GATB: variants seen among roughly 807,000 people sequenced by gnomAD.
GATB encodes glutamyl-tRNA amidotransferase subunit B.
A neutral mutation model predicts 62.3 loss-of-function variants in GATB; 39 were observed. The ratio of observed to expected loss-of-function variants is 0.63; its 90% CI spans 0.48 to 0.82. The LOEUF is 0.82. Ranked by LOEUF, GATB falls within the 40% of genes least tolerant of loss-of-function variation. The probability of loss-of-function intolerance (pLI) is 0.00; values close to 1 mark genes in which losing one functional copy is unlikely to be tolerated. For missense variants in GATB, 670 were observed against 684.0 expected, an observed-to-expected ratio of 0.98 and a Z score of 0.23; for synonymous variants, 276 against 258.9, an observed-to-expected ratio of 1.07 and a Z score of -0.63.
At chr4:151,739,756 A>G (rs887868239) in intron 2 of GATB, among the ~76,000 whole-genome samples, 2 of 152,160 alleles carry the variant, frequency 1.3e-5, no homozygotes, top group African/African-American at 2.4e-5. Flanking sequence ...TCTACTCTGT[A>G]TTCTCTTGTC....
chr4:151,717,595 T>C (rs1197448991), intron 3 of GATB, among the ~76,000 whole-genome samples: 1 of 152,178 alleles, frequency 6.6e-6, no homozygotes, highest in Non-Finnish European at 1.5e-5. Context: ...TCATGGCAGC[T>C]GCCCTCCCTG....
Position 151,679,797 on chromosome 4 carries a change from G to C in GATB, c.1410+16C>G, listed in dbSNP as rs1247732474. The C allele has an allele frequency of 6.2e-7, 1 of 1,607,060 alleles. No individual in the cohort carries two copies. Among genetic ancestry groups the C allele is most frequent in the South Asian group, 1.1e-5 (1 of 90,936 alleles). ...GACAGTAGCACAGTCAGAAGCTGTC[G>C]GGAGTGTGGACATACCTGTTTAGCT... On this transcript the variant is annotated intron_variant, in intron 11 of 12. Transcript: ENST00000263985.
intron 2 of GATB, among the ~76,000 whole-genome samples, chr4:151,729,567 T>C (rs1739202253): frequency 6.6e-6 from 1 of 152,186 alleles, no homozygotes; most frequent in South Asian, 2.1e-4. Flanking sequence ...TGCTAAGATA[T>C]TTAGAGAGGA....
chr4:151,716,139 A>G lies in GATB; in HGVS notation c.641-8T>C. ...CCTCCAGAAGGCCCACTCCTACCAAAGAGGGGCAGAGTCAGCCTCACTGCA... is the reference window on the plus strand; with the variant it reads ...CCTCCAGAAGGCCCACTCCTACCAAGGAGGGGCAGAGTCAGCCTCACTGCA... On this transcript the variant is annotated splice_region_variant and splice_polypyrimidine_tract_variant and intron_variant, in intron 4 of 12. Coordinates refer to ENST00000263985, the MANE Select transcript of GATB (RefSeq NM_004564.3). The G allele has an allele frequency of 5.0e-6, 8 of 1,611,520 alleles. No individual in the cohort carries two copies. The highest frequency in any genetic ancestry group is 6.8e-6 in the Non-Finnish European group (8 of 1,178,874).
chr4:151,695,307 C>A (rs539119100), intron 9 of GATB, among the ~76,000 whole-genome samples: 1 of 152,188 alleles, frequency 6.6e-6, no homozygotes, highest in South Asian at 2.1e-4. Flanking sequence ...TGAGTCATCG[C>A]CCCCTCTTTC....
chr4:151,749,760 G>C (rs116833905), intron 2 of GATB, among the ~76,000 whole-genome samples: 1 of 152,078 alleles, frequency 6.6e-6, no homozygotes, highest in Non-Finnish European at 1.5e-5. Context: ...TCTTCCCCTC[G>C]GGTTACAGTA....
intron 10 of GATB, among the ~76,000 whole-genome samples, chr4:151,680,254 G>C (rs549686935): frequency 8.2e-5 from 12 of 146,918 alleles, no homozygotes; most frequent in African/African-American, 2.8e-4. Flanking sequence ...TATTTTCAAC[G>C]GAAAGATCAG....
chr4:151,700,617 A>G lies in GATB; in HGVS notation c.1197+712T>C, dbSNP rs77523137. Among the ~76,000 whole-genome samples, 792 of 152,342 alleles carry G rather than the reference A, an allele frequency of 5.2e-3. 5 individuals are homozygous for G. The highest frequency in any genetic ancestry group is 0.019 in the African/African-American group (771 of 41,576). ...GTGGCATATACTGATTCCCTGGAAG[A>G]TGCAGCAACAAAACTTCCCACTTCC... On this transcript the variant is annotated intron_variant, in intron 9 of 12. Transcript: ENST00000263985.
chr4:151,697,949 G>GTATATATATATATATATA (rs781688717), intron 9 of GATB, among the ~76,000 whole-genome samples: 1 of 96,974 alleles, frequency 1.0e-5, no homozygotes, highest in African/African-American at 6.6e-5. Context: ...GTGTGTGTGT[G>GTATATATATATATATATA]TGTGTATATA....
intron 10 of GATB, among the ~76,000 whole-genome samples, chr4:151,681,314 T>C (rs1400528119): frequency 2.0e-5 from 3 of 152,232 alleles, no homozygotes; most frequent in Admixed American, 6.5e-5. Flanking sequence ...TCCCAAAGTA[T>C]GACTAAAAGG....
chr4:151,735,296 T>G (rs1050651907), intron 2 of GATB, among the ~76,000 whole-genome samples: 1 of 149,182 alleles, frequency 6.7e-6, no homozygotes, highest in East Asian at 1.9e-4. Flanking sequence ...AATAGACAAT[T>G]CTCAAAAGAA....
intron 5 of GATB, among the ~76,000 whole-genome samples, chr4:151,710,160 C>G (rs1169638271): frequency 6.6e-6 from 1 of 152,148 alleles, no homozygotes; most frequent in Non-Finnish European, 1.5e-5. Flanking sequence ...CCATAGTCTT[C>G]TGTGCACTGG....
chr4:151,741,783 T>C (rs771419907), intron 2 of GATB, among the ~76,000 whole-genome samples: 7 of 152,228 alleles, frequency 4.6e-5, no homozygotes, highest in Non-Finnish European at 1.0e-4. Flanking sequence ...CACCATCATA[T>C]TGCTTTTTGT....
Position 151,701,359 on chromosome 4 carries a change from C to T in GATB, c.1167G>A (p.Gly389=). ...VTREKLVQQY[G]MLLEHSFTLL... ...AAGTGAAGCTGTGTTCCAGCAGCAT[C>T]CCATACTGTTGGACAAGCTTCTCTC... The change falls in exon 9 of 13, where the codon GGG becomes GGA. Residue 389 remains glycine (G), a synonymous_variant. Coordinates refer to ENST00000263985, the MANE Select transcript of GATB (RefSeq NM_004564.3). 6.3e-7 allele frequency: 1 copy of T among 1,582,460 alleles called. No homozygotes were observed.
chr4:151,704,168 T>C (rs1373769062), intron 7 of GATB, among the ~76,000 whole-genome samples: 3 of 152,148 alleles, frequency 2.0e-5, no homozygotes, highest in African/African-American at 4.8e-5. Flanking sequence ...TTCAGTATTC[T>C]GCTTTAAGTA....
At chr4:151,676,470 C>A (rs529970957) in intron 11 of GATB, 2 of 152,228 alleles carry the variant, frequency 1.3e-5, no homozygotes, top group Non-Finnish European at 2.9e-5. Context: ...ACAACCCATG[C>A]GATTTCCCTT....
chr4:151,750,842 C>T (rs1240513730), intron 2 of GATB, among the ~76,000 whole-genome samples: 2 of 151,314 alleles, frequency 1.3e-5, no homozygotes, highest in African/African-American at 2.4e-5. Context: ...CCATGTTGCC[C>T]AGGCTGGTCT....
chr4:151,690,388 T>G (rs9999456), intron 9 of GATB, among the ~76,000 whole-genome samples: 20,860 of 152,336 alleles, frequency 0.14, 1,644 homozygotes, highest in African/African-American at 0.21. Context: ...CAGCCCAAGC[T>G]TGACTACAGA....
intron 11 of GATB, chr4:151,675,222 G>C (rs957868758): frequency 2.0e-5 from 3 of 152,222 alleles, no homozygotes; most frequent in African/African-American, 7.2e-5. Flanking sequence ...GCCAGGCGGG[G>C]TGGTACCAAG....
Sources: allele counts gnomAD v4.1 joint callset (sites outside exome capture counted in the v4.1 genomes callset), GRCh38; gene constraint gnomAD v4.1.1; transcripts MANE v1.5; gene names NCBI Gene and HGNC (gene_info 2026-07-23, HGNC 2026-07-21).